The following WDR48 variants were observed in gnomAD, a reference collection of about 807,000 sequenced individuals.
WDR48 encodes WD repeat domain 48, also known as WD repeat-containing protein 48.
In WDR48, 22 loss-of-function variants were observed where a neutral mutation model predicts 94.0. The observed-to-expected ratio is 0.23, with a 90% CI of 0.17 to 0.33. WDR48 has a LOEUF of 0.33. WDR48 is among the 10% of genes least tolerant of loss of function. The probability of loss-of-function intolerance (pLI) is 1.00; values close to 1 mark genes in which losing one functional copy is unlikely to be tolerated. For missense variants in WDR48, 541 were observed against 813.8 expected (o/e 0.66, Z 4.08); for synonymous variants, 278 against 280.5 (o/e 0.99, Z 0.09).
chr3:39,078,382 G>A (rs989322746), intron 10 of WDR48, 143 bp downstream of exon 10: 2 of 658,322 alleles, frequency 3.0e-6, no homozygotes, highest in Non-Finnish European at 2.6e-6. Context: ...TTTAATATAA[G>A]GAAAAGGTTT....
chr3:39,092,966 A>T (rs2035162000), intron 17 of WDR48, among the ~76,000 whole-genome samples: 1 of 152,070 alleles, frequency 6.6e-6, no homozygotes, highest in African/African-American at 2.4e-5. Context: ...TGAAGTTCAA[A>T]TGATTTTCAG....
intron 16 of WDR48, 198 bp from the exon 17 acceptor site, chr3:39,091,427 T>C (rs1349559239): frequency 2.2e-6 from 1 of 449,066 alleles, no homozygotes; most frequent in Non-Finnish European, 4.0e-6. Context: ...TCATATTACC[T>C]CTAATGTTAC....
chr3:39,086,194 T>C (rs2370860), intron 14 of WDR48: 21,566 of 152,354 alleles, frequency 0.14, 1,773 homozygotes, highest in African/African-American at 0.22. Context: ...TAACGTTCCC[T>C]GAGCAGCAGA....
rs2033633262 is a variant in WDR48 at position 39,066,752 on chromosome 3, G to A, written c.358G>A (p.Val120Ile). ...MSTLRTHKDY[V>I]KALAYAKDKE... ...TATGTCTGTTCTATTACAGGATTACGTAAAGGCCTTAGCATATGCCAAGGA... is the reference window on the plus strand; with the variant it reads ...TATGTCTGTTCTATTACAGGATTACATAAAGGCCTTAGCATATGCCAAGGA... The change falls in exon 5 of 19, where the codon GTA (valine) becomes ATA (isoleucine). Residue 120 changes from valine (V) to isoleucine (I), a missense_variant. Around this residue, in one of 5 missense-constraint regions of WDR48, gnomAD observed 104 missense variants for 189.7 expected, o/e 0.55. Transcript: ENST00000302313. The A allele has an allele frequency of 4.3e-6, 7 of 1,613,928 alleles. No individual in the cohort carries two copies. The highest frequency in any genetic ancestry group is 5.1e-6 in the Non-Finnish European group (6 of 1,179,912).
chr3:39,076,063 A>G (rs961952486), intron 8 of WDR48, among the ~76,000 whole-genome samples: 2 of 152,132 alleles, frequency 1.3e-5, no homozygotes, highest in African/African-American at 4.8e-5. Context: ...AAATCACCTA[A>G]AAGGAAAATG....
chr3:39,052,140 G>A lies in WDR48; in HGVS notation c.48+67G>A, dbSNP rs2032439439. The stretch of plus-strand genomic sequence containing the variant: ...AGCTCCGGGCCCACTCCAGCTAGAA[G>A]GTGCCCGGCGCCACGACCAGCTGGG... On this transcript the variant is annotated intron_variant, in intron 1 of 18. Coordinates refer to ENST00000302313, the MANE Select transcript of WDR48 (RefSeq NM_020839.4). 4.4e-6 allele frequency: 7 copies of A among 1,595,120 alleles called. No individual in the cohort carries two copies. In the South Asian group the frequency reaches 5.5e-5, roughly 13 times the overall value.
intron 4 of WDR48, 52 bp from the exon 5 acceptor site, chr3:39,066,694 C>T (rs770062368): frequency 6.2e-7 from 1 of 1,613,128 alleles, no homozygotes; most frequent in African/African-American, 1.3e-5. Flanking sequence ...TTGTGTGGCT[C>T]ATTTTATTAC....
intron 15 of WDR48, among the ~76,000 whole-genome samples, chr3:39,088,696 G>A (rs1021423965): frequency 6.6e-6 from 1 of 152,200 alleles, no homozygotes; most frequent in Non-Finnish European, 1.5e-5. Context: ...AGACAGTTAT[G>A]TGTGGGGCCC....
intron 7 of WDR48, among the ~76,000 whole-genome samples, chr3:39,073,475 C>T (rs1268078322): frequency 6.6e-6 from 1 of 152,132 alleles, no homozygotes; most frequent in Non-Finnish European, 1.5e-5. Flanking sequence ...GGGCACCTTC[C>T]AAATCTCCAA....
At chr3:39,076,537 C>T (rs1353167304) in intron 8 of WDR48, among the ~76,000 whole-genome samples, 1 of 152,094 alleles carries the variant, frequency 6.6e-6, no homozygotes, top group Non-Finnish European at 1.5e-5. Flanking sequence ...GGAGTCCTGC[C>T]CTGTTCCCAT....
Position 39,078,219 on chromosome 3 carries a change from A to T in WDR48, c.1055A>T (p.Gln352Leu), listed in dbSNP as rs775722342. 6.2e-7 allele frequency: 1 copy of T among 1,612,628 alleles called. No homozygotes were observed. ...CTNPITPLCT[Q>L]PDQVIKGGAS... is the part of the protein sequence containing the mutation. ...AATCCTATAACACCTCTTTGTACACAACCTGACCAGGTTATTAAAGGTAAG... is the reference window on the plus strand; with the variant it reads ...AATCCTATAACACCTCTTTGTACACTACCTGACCAGGTTATTAAAGGTAAG... The change falls in exon 10 of 19, where the codon CAA becomes CTA. Residue 352 changes from glutamine to leucine, a missense_variant. By Grantham distance (113) the Gln-to-Leu change is moderately radical. Transcript: ENST00000302313.
At chr3:39,078,894 G>A (rs1458070995) in intron 10 of WDR48, among the ~76,000 whole-genome samples, 1 of 151,544 alleles carries the variant, frequency 6.6e-6, no homozygotes, top group Non-Finnish European at 1.5e-5. Context: ...GCTGGGCGTA[G>A]TGGCGGGCAC....
intron 2 of WDR48, among the ~76,000 whole-genome samples, chr3:39,064,969 AC>A (rs576429694): frequency 9.8e-5 from 15 of 152,302 alleles, no homozygotes; most frequent in African/African-American, 3.6e-4. Context: ...AAAAGAACTA[AC>A]CTGAAGAATC....
At chr3:39,072,399 G>C (rs1575411689) in intron 7 of WDR48, among the ~76,000 whole-genome samples, 1 of 152,198 alleles carries the variant, frequency 6.6e-6, no homozygotes. Context: ...CAAGTCTGCT[G>C]ATCCTAGCTT....
chr3:39,062,941 C>T (rs917704485), intron 1 of WDR48, 109 bp from the exon 2 acceptor site: 65 of 1,375,630 alleles, frequency 4.7e-5, no homozygotes, highest in Non-Finnish European at 6.2e-5. Context: ...TGAAAAAGTA[C>T]ATATTGGAAA....
In WDR48 at chr3:39,084,358, G is replaced by A. The variant is rs2034698914; in HGVS notation, c.1281+96G>A. 1.2e-5 allele frequency: 10 copies of A among 867,158 alleles called. No homozygotes were observed. The South Asian group carries it at 1.2e-4, about 10-fold the overall frequency. 53.7% of individuals were successfully genotyped at this position (867,158 alleles called of 1,614,324 possible). On this transcript the variant is annotated intron_variant, in intron 12 of 18. Transcript: ENST00000302313. The stretch of plus-strand genomic sequence containing the variant: ...TAGTTACAGAGTCCTGTGTTTTTAG[G>A]TGTGAAAAAAAAAATTTGTGTTAAA...
chr3:39,076,612 G>T (rs1351465497), intron 8 of WDR48, among the ~76,000 whole-genome samples: 2 of 152,210 alleles, frequency 1.3e-5, no homozygotes, highest in East Asian at 3.8e-4. Flanking sequence ...GATTCCGCTT[G>T]TGTAATATAT....
At chr3:39,067,804 T>C (rs1046668126) in intron 5 of WDR48, among the ~76,000 whole-genome samples, 3 of 152,248 alleles carry the variant, frequency 2.0e-5, no homozygotes, top group African/African-American at 7.2e-5. Context: ...GATTGTTGTT[T>C]TGCCTTGTTT....
chr3:39,067,972 A>G (rs2033710047), intron 5 of WDR48, among the ~76,000 whole-genome samples: 1 of 152,050 alleles, frequency 6.6e-6, no homozygotes, highest in Admixed American at 6.6e-5. Context: ...AAGAGACACT[A>G]ATGGGAGGGA....
Sources: allele counts gnomAD v4.1 joint callset (sites outside exome capture counted in the v4.1 genomes callset), GRCh38; gene constraint gnomAD v4.1.1; regional missense constraint gnomAD v4.1.1; transcripts MANE v1.5; gene names NCBI Gene and HGNC (gene_info 2026-07-23, HGNC 2026-07-21).